ZNF292: variants seen among roughly 807,000 people sequenced by gnomAD.
The protein encoded by ZNF292 is zinc finger protein 292.
In ZNF292, 26 loss-of-function variants were observed where a neutral mutation model predicts 217.9. That is an observed-to-expected ratio of 0.12 (90% confidence interval 0.09 to 0.17). ZNF292 has a LOEUF of 0.17. ZNF292 is among the 10% of genes least tolerant of loss of function. The pLI is 1.00. For synonymous variants in ZNF292, 1,257 were observed against 1,124.1 expected, an observed-to-expected ratio of 1.12 and a Z score of -2.37; for missense variants, 2,904 against 3,175.2, an observed-to-expected ratio of 0.91 and a Z score of 2.05.
In ZNF292 at chr6:87,264,420, C is replaced by T. The variant is rs919336011; in HGVS notation, c.*2619C>T. The stretch of plus-strand genomic sequence containing the variant: ...ATAGGTACATTATTATTTTAAAGGG[C>T]TAGACATATTTTTAAGGCAAATTTT... On this transcript the variant is annotated 3_prime_UTR_variant, in exon 8 of 8. Transcript: ENST00000369577. Among the ~76,000 whole-genome samples, 2 of 152,102 alleles carry T rather than the reference C, an allele frequency of 1.3e-5. No individual in the cohort carries two copies. The highest frequency in any genetic ancestry group is 2.9e-5 in the Non-Finnish European group (2 of 68,020).
intron 1 of ZNF292, among the ~76,000 whole-genome samples, chr6:87,183,680 T>C (rs879260323): frequency 6.2e-4 from 95 of 152,212 alleles, no homozygotes; most frequent in Admixed American, 7.9e-4. Context: ...TAGGCAGTAA[T>C]GACATACATA....
At chr6:87,210,734 C>T (rs926135630) in intron 1 of ZNF292, among the ~76,000 whole-genome samples, 1 of 151,988 alleles carries the variant, frequency 6.6e-6, no homozygotes, top group African/African-American at 2.4e-5. Flanking sequence ...GAGCCGAGAT[C>T]ATGCCACTGC....
At chr6:87,170,598 G>A (rs1242133759) in intron 1 of ZNF292, among the ~76,000 whole-genome samples, 1 of 152,136 alleles carries the variant, frequency 6.6e-6, no homozygotes, top group Non-Finnish European at 1.5e-5. Context: ...AACACCAAAA[G>A]ACCTTTGAGG....
At chr6:87,239,558 G>A (rs1416379869) in intron 5 of ZNF292, among the ~76,000 whole-genome samples, 3 of 151,098 alleles carry the variant, frequency 2.0e-5, no homozygotes, top group East Asian at 2.0e-4. Flanking sequence ...CGGACAGGGC[G>A]GCTGCCGGGC....
chr6:87,238,297 G>A (rs1377835102), intron 5 of ZNF292, among the ~76,000 whole-genome samples: 1 of 151,976 alleles, frequency 6.6e-6, no homozygotes, highest in Non-Finnish European at 1.5e-5. Context: ...GACCAGCCTG[G>A]GCAACATGGT....
Position 87,169,760 on chromosome 6 carries a change from C to T in ZNF292, c.168+14001C>T. ...CTCCCGGGCTCAAGTGATCCTCCCA[C>T]CTCAGCCTCTTGGATAGCTGGGACT... On this transcript the variant is annotated intron_variant, in intron 1 of 7. Transcript: ENST00000369577. The T allele has an allele frequency of 3.3e-5, 14 of 423,890 alleles. 1 individual carries two copies. Among genetic ancestry groups the T allele is most frequent in the South Asian group, 2.3e-4 (14 of 60,464 alleles). The allele number at this position is 423,890 out of a possible 1,614,324, so 26.3% of individuals were successfully genotyped here.
chr6:87,182,073 T>C (rs973023158), intron 1 of ZNF292, among the ~76,000 whole-genome samples: 1 of 152,198 alleles, frequency 6.6e-6, no homozygotes, highest in Non-Finnish European at 1.5e-5. Flanking sequence ...GTACCAGTGC[T>C]TCCTCCTCAC....
intron 5 of ZNF292, among the ~76,000 whole-genome samples, chr6:87,240,601 A>G (rs1268054119): frequency 2.1e-4 from 32 of 152,016 alleles, no homozygotes; most frequent in South Asian, 2.1e-4. Flanking sequence ...TTGTATTTTT[A>G]GTAGAGACAG....
Position 87,228,224 on chromosome 6 carries a change from G to A in ZNF292, c.539-5101G>A, listed in dbSNP as rs538022534. 2.0e-5 allele frequency among the ~76,000 whole-genome samples: 3 copies of A among 152,072 alleles called. No individual in the cohort carries two copies. The South Asian group carries it at 6.2e-4, about 31-fold the overall frequency. On this transcript the variant is annotated intron_variant, in intron 4 of 7. Coordinates refer to ENST00000369577, the MANE Select transcript of ZNF292 (RefSeq NM_015021.3). ...TCGTATGCTTGTTGGCCATTCGTAT[G>A]TTATCTTTTGAGAAATATCTATTCA...
In ZNF292 at chr6:87,260,162, A is replaced by G. The variant is rs1775484608; in HGVS notation, c.6533A>G (p.Asp2178Gly). The G allele has an allele frequency of 6.2e-7, 1 of 1,613,036 alleles. No homozygotes were observed. The highest frequency in any genetic ancestry group is 2.2e-5 in the East Asian group (1 of 44,860). The change falls in exon 8 of 8, where the codon GAC (aspartate) becomes GGC (glycine). Residue 2178 changes from aspartate (D) to glycine (G), a missense_variant. By Grantham distance (94) the Asp-to-Gly change is moderately conservative (BLOSUM62 -1). Coordinates refer to ENST00000369577, the MANE Select transcript of ZNF292 (RefSeq NM_015021.3). ...TLKEFRCQVS[D>G]CSRIFQAITG... is the part of the protein sequence containing the mutation. Reference sequence around the variant, plus strand: ...AAAGAATTTCGATGTCAGGTAAGTGACTGTTCTCGAATTTTCCAAGCAATT... The same window carrying G: ...AAAGAATTTCGATGTCAGGTAAGTGGCTGTTCTCGAATTTTCCAAGCAATT...
At position 87,255,921 on chromosome 6, in the gene ZNF292, C is replaced by T. The variant is rs567271993; in HGVS notation, c.2292C>T (p.Tyr764=). 9.5e-5 allele frequency: 153 copies of T among 1,613,468 alleles called. No homozygotes were observed. The South Asian group carries it at 1.4e-3, about 15-fold the overall frequency. Residue 764 remains tyrosine, a synonymous_variant, in exon 8 of 8, where the codon TAC becomes TAT. Coordinates refer to ENST00000369577, the MANE Select transcript of ZNF292 (RefSeq NM_015021.3). ...QMKCKAGFNS[Y]AELLTHRKEH... The stretch of plus-strand genomic sequence containing the variant: ...AATGTAAAGCTGGTTTTAATAGTTA[C>T]GCCGAGCTTTTAACCCACCGAAAGG...
At chr6:87,172,369 G>A (rs912424835) in intron 1 of ZNF292, among the ~76,000 whole-genome samples, 12 of 152,170 alleles carry the variant, frequency 7.9e-5, no homozygotes, top group African/African-American at 2.9e-4. Context: ...CAAAAGAACA[G>A]CTCTTTTCAT....
At chr6:87,240,073 A>T (rs1774184818) in intron 5 of ZNF292, among the ~76,000 whole-genome samples, 3 of 152,130 alleles carry the variant, frequency 2.0e-5, no homozygotes, top group Admixed American at 2.0e-4. Context: ...TTGAGCACTG[A>T]GTGAACGAGA....
chr6:87,205,774 C>T (rs912919085), intron 1 of ZNF292, among the ~76,000 whole-genome samples: 1 of 152,016 alleles, frequency 6.6e-6, no homozygotes, highest in East Asian at 1.9e-4. Context: ...AACATCCTCA[C>T]CACAATCTGT....
At chr6:87,245,922 A>G (rs562671024) in intron 7 of ZNF292, among the ~76,000 whole-genome samples, 26 of 152,336 alleles carry the variant, frequency 1.7e-4, no homozygotes, top group African/African-American at 6.3e-4. Context: ...TACTACTTTG[A>G]TAATTTGGCT....
intron 1 of ZNF292, among the ~76,000 whole-genome samples, chr6:87,160,491 A>ATG (rs1260142601): frequency 0.018 from 2,703 of 146,410 alleles, 32 homozygotes; most frequent in Admixed American, 0.027. Flanking sequence ...TTGTATATAT[A>ATG]TGTGTGTGTG....
rs576862338 is a variant in ZNF292 at position 87,182,290 on chromosome 6, A to T, written c.168+26531A>T. On this transcript the variant is annotated intron_variant, in intron 1 of 7. Transcript: ENST00000369577. Reference sequence around the variant, plus strand: ...AGTGTGTTTCCATAGTTAAAAGTCTATTATATTGTAATTTAAACAAGAAAC... The same window carrying T: ...AGTGTGTTTCCATAGTTAAAAGTCTTTTATATTGTAATTTAAACAAGAAAC... 1.4e-4 allele frequency among the ~76,000 whole-genome samples: 22 copies of T among 152,324 alleles called. No individual in the cohort carries two copies. In the East Asian group the frequency reaches 3.9e-3, roughly 27 times the overall value.
chr6:87,226,777 C>T (rs1268101540), intron 4 of ZNF292, among the ~76,000 whole-genome samples: 2 of 151,396 alleles, frequency 1.3e-5, no homozygotes, highest in Non-Finnish European at 2.9e-5. Context: ...CTCCTGGATT[C>T]AAGCGATTCT....
chr6:87,209,102 T>TCCCC (rs1209954907), intron 1 of ZNF292, among the ~76,000 whole-genome samples: 7 of 83,766 alleles, frequency 8.4e-5, no homozygotes, highest in African/African-American at 3.7e-4. Context: ...AGCCCCACTT[T>TCCCC]CACCCCCCCC....
Sources: allele counts gnomAD v4.1 joint callset (sites outside exome capture counted in the v4.1 genomes callset), GRCh38; gene constraint gnomAD v4.1.1; transcripts MANE v1.5; gene names NCBI Gene and HGNC (gene_info 2026-07-23, HGNC 2026-07-21).